AKR1C3: variants seen among roughly 807,000 people sequenced by gnomAD.
AKR1C3 encodes the protein 3-alpha hydroxysteroid dehydrogenase, type II.
A neutral mutation model predicts 43.6 loss-of-function variants in AKR1C3; 48 were observed. That is an observed-to-expected ratio of 1.10 (90% CI 0.87 to 1.40). The LOEUF (loss-of-function observed/expected upper bound fraction) is 1.40. AKR1C3 is among the 40% of genes most tolerant of loss of function. AKR1C3 has a pLI of 0.00. For missense variants in AKR1C3, 482 were observed against 391.2 expected, an observed-to-expected ratio of 1.23 and a Z score of -1.96; for synonymous variants, 162 against 139.6, an observed-to-expected ratio of 1.16 and a Z score of -1.13.
intron 4 of AKR1C3, 132 bp downstream of exon 4, chr10:5,099,011 G>A (rs999407929): frequency 2.3e-6 from 2 of 877,822 alleles, no homozygotes; most frequent in East Asian, 2.6e-5. Context: ...AGTAGCTTTG[G>A]TGAGATGAAG....
chr10:5,054,663 CT>C (rs1838221787), intron 1 of AKR1C3, among the ~76,000 whole-genome samples: 1 of 152,136 alleles, frequency 6.6e-6, no homozygotes, highest in African/African-American at 2.4e-5. Context: ...CTTTCTGACT[CT>C]GACTTTCTGT....
At chr10:5,057,609 A>T (rs1554779753) in intron 1 of AKR1C3, among the ~76,000 whole-genome samples, 2 of 152,240 alleles carry the variant, frequency 1.3e-5, no homozygotes, top group Non-Finnish European at 2.9e-5. Flanking sequence ...CATGGTGGAC[A>T]TCATTGAATA....
At chr10:5,048,816 A>G in exon 1 of AKR1C3, 1 of 1,613,678 alleles carries the variant, frequency 6.2e-7, no homozygotes, top group Middle Eastern at 1.6e-4. Context: ...ACAGTGATGG[A>G]TTCAAAACAT....
chr10:5,094,122 G>C, upstream of AKR1C3: 1 of 192,830 alleles, frequency 5.2e-6, no homozygotes, highest in Admixed American at 5.7e-5. Flanking sequence ...ACATATGGTT[G>C]CTATTTGTTC....
intron 1 of AKR1C3, among the ~76,000 whole-genome samples, chr10:5,073,992 T>C (rs1039138453): frequency 2.0e-5 from 3 of 151,376 alleles, no homozygotes; most frequent in African/African-American, 4.9e-5. Context: ...CTATTCAAAG[T>C]CACCCGTCTG....
chr10:5,078,838 A>T (rs982898661), intron 1 of AKR1C3, among the ~76,000 whole-genome samples: 1 of 152,240 alleles, frequency 6.6e-6, no homozygotes, highest in African/African-American at 2.4e-5. Context: ...AAGGTTAAAT[A>T]AGACAAGAAG....
At chr10:5,063,871 G>C (rs1334051359) in intron 1 of AKR1C3, among the ~76,000 whole-genome samples, 1 of 150,748 alleles carries the variant, frequency 6.6e-6, no homozygotes, top group Non-Finnish European at 1.5e-5. Context: ...TCTGAGAAAG[G>C]CTCTGTGAGG....
At position 5,102,592 on chromosome 10, in the gene AKR1C3, G is replaced by T. The variant is rs782439301; in HGVS notation, c.788G>T (p.Arg263Leu). 1.3e-6 allele frequency: 2 copies of T among 1,539,922 alleles called. No homozygotes were observed. Among genetic ancestry groups the T allele is most frequent in the East Asian group, 2.3e-5 (1 of 42,886 alleles). ...ATTGCCCTGCGCTACCAGCTGCAGC[G>T]TGGGGTTGTGGTCCTGGCCAAGAGC... The part of the protein sequence containing the change: ...ALIALRYQLQ[R>L]GVVVLAKSYN... The change falls in exon 7 of 9, where the codon CGT becomes CTT. Residue 263 changes from arginine (R) to leucine (L), a missense_variant. Transcript: ENST00000380554.
Position 5,102,161 on chromosome 10 carries a change from A to G in AKR1C3, c.631A>G (p.Ile211Val). 6.2e-7 allele frequency: 1 copy of G among 1,614,146 alleles called. No individual in the cohort carries two copies. The highest frequency in any genetic ancestry group is 8.5e-7 in the Non-Finnish European group (1 of 1,179,996). Reference sequence around the variant, plus strand: ...GCTAGATTTCTGCAAGTCGAAAGATATTGTTCTGGTTGCCTATAGTGCTCT... The same window carrying G: ...GCTAGATTTCTGCAAGTCGAAAGATGTTGTTCTGGTTGCCTATAGTGCTCT... ...KLLDFCKSKD[I>V]VLVAYSALGS... The change falls in exon 6 of 9, where the codon ATT (isoleucine) becomes GTT (valine). Residue 211 changes from isoleucine to valine, a missense_variant. By Grantham distance (29) the Ile-to-Val change is conservative. Coordinates refer to ENST00000380554, the MANE Select transcript of AKR1C3 (RefSeq NM_003739.6).
rs782158776 is a variant in AKR1C3, at chr10:5,097,425, C to A, written c.253-9C>A. The A allele has an allele frequency of 2.5e-6, 4 of 1,613,046 alleles. No individual in the cohort carries two copies. The highest frequency in any genetic ancestry group is 3.4e-6 in the Non-Finnish European group (4 of 1,179,522). ...ATTCAAAATCACCTCCATTCTTTAA[C>A]CTCTGCAGCTTTGGTCCACTTTTCA... On this transcript the variant is annotated splice_polypyrimidine_tract_variant and intron_variant, in intron 2 of 8. Coordinates refer to ENST00000380554, the MANE Select transcript of AKR1C3 (RefSeq NM_003739.6).
chr10:5,088,597 A>G (rs907737163), intron 1 of AKR1C3, among the ~76,000 whole-genome samples: 2 of 151,606 alleles, frequency 1.3e-5, no homozygotes, highest in Non-Finnish European at 1.5e-5. Context: ...TTTTTAAAAT[A>G]TCATTGGTAT....
chr10:5,087,878 G>A (rs1170742712), intron 1 of AKR1C3, among the ~76,000 whole-genome samples: 4 of 151,734 alleles, frequency 2.6e-5, no homozygotes, highest in Admixed American at 2.0e-4. Context: ...TTTGGGCTTG[G>A]TTTGCTCTTA....
intron 1 of AKR1C3, among the ~76,000 whole-genome samples, chr10:5,063,392 G>A (rs1554780430): frequency 1.3e-5 from 2 of 152,084 alleles, no homozygotes; most frequent in African/African-American, 4.8e-5. Context: ...TACTCCACAG[G>A]AAATGAGAAA....
chr10:5,097,462 T>C lies in AKR1C3; in HGVS notation c.281T>C (p.Leu94Ser). The change falls in exon 3 of 9, where the codon TTG (leucine) becomes TCG (serine). Residue 94 changes from leucine (L) to serine (S), a missense_variant. Transcript: ENST00000380554. ...KLWSTFHRPE[L>S]VRPALENSLK... ...TGGTCCACTTTTCATCGACCAGAGT[T>C]GGTCCGACCAGCCTTGGAAAACTCA... The C allele has an allele frequency of 6.2e-7, 1 of 1,613,858 alleles. No homozygotes were observed. The highest frequency in any genetic ancestry group is 1.1e-5 in the South Asian group (1 of 91,072).
At chr10:5,063,777 A>AAAAAAAAAAAAAAAAAAAAAAAAAAG (rs1838433123) in intron 1 of AKR1C3, among the ~76,000 whole-genome samples, 1 of 145,678 alleles carries the variant, frequency 6.9e-6, no homozygotes, top group Non-Finnish European at 1.5e-5. Flanking sequence ...AAAAAAAAAA[A>AAAAAAAAAAAAAAAAAAAAAAAAAAG]AAAAAAAAAA....
At chr10:5,075,135 T>C (rs1937878) in intron 1 of AKR1C3, among the ~76,000 whole-genome samples, 89,236 of 151,938 alleles carry the variant, frequency 0.59, 26,472 homozygotes, top group African/African-American at 0.67. Flanking sequence ...GGCCTCCTCT[T>C]TTCTCCCTCC....
chr10:5,097,749 G>A, intron 3 of AKR1C3, 199 bp downstream of exon 3: 2 of 1,362,600 alleles, frequency 1.5e-6, no homozygotes, highest in Non-Finnish European at 1.9e-6. Context: ...TACAAGAGAA[G>A]AGAGTACAGC....
exon 1 of AKR1C3, chr10:5,048,891 C>T (rs782487901): frequency 6.2e-7 from 1 of 1,612,910 alleles, no homozygotes; most frequent in Non-Finnish European, 8.5e-7. Flanking sequence ...TATGCACCTC[C>T]AGAGGTAATA....
chr10:5,077,566 T>C (rs1838740669), intron 1 of AKR1C3: 2 of 663,336 alleles, frequency 3.0e-6, no homozygotes, highest in African/African-American at 3.9e-5. Context: ...GTCTTTTGAA[T>C]GGATTTCTGA....
Sources: allele counts gnomAD v4.1 joint callset (sites outside exome capture counted in the v4.1 genomes callset), GRCh38; gene constraint gnomAD v4.1.1; transcripts MANE v1.5; gene names NCBI Gene and HGNC (gene_info 2026-07-23, HGNC 2026-07-21).